TOX: variants seen among roughly 807,000 people sequenced by gnomAD.
TOX encodes the protein thymocyte selection associated high mobility group box, also known as thymocyte selection-associated high mobility group box protein TOX.
TOX carries 11 observed loss-of-function variants against 53.7 expected under a neutral mutation model. That is an observed-to-expected ratio of 0.20 (90% CI 0.13 to 0.34). TOX has a LOEUF of 0.34. Among genes scored for constraint, TOX ranks in the 10% least tolerant of loss-of-function variants. The pLI, the probability that TOX is intolerant of heterozygous loss-of-function variation, is 1.00. For missense variants in TOX, 570 were observed against 664.6 expected (o/e 0.86, Z 1.56); for synonymous variants, 225 against 245.3 (o/e 0.92, Z 0.77).
chr8:58,897,315 G>C (rs1392709843), intron 3 of TOX, among the ~76,000 whole-genome samples: 1 of 152,054 alleles, frequency 6.6e-6, no homozygotes, highest in East Asian at 1.9e-4. Flanking sequence ...CTATCTGGAT[G>C]GCAGAATTTA....
intron 2 of TOX, among the ~76,000 whole-genome samples, chr8:58,943,341 A>T (rs898557727): frequency 6.6e-6 from 1 of 152,092 alleles, no homozygotes; most frequent in Non-Finnish European, 1.5e-5. Context: ...AGACCACAAG[A>T]AGGTATATGA....
At chr8:58,857,765 TTTTC>T (rs1349544140) in intron 3 of TOX, among the ~76,000 whole-genome samples, 3 of 152,144 alleles carry the variant, frequency 2.0e-5, no homozygotes, top group African/African-American at 7.2e-5. Flanking sequence ...TTTCCTTTGA[TTTTC>T]TTTCTTTTTT....
chr8:58,945,212 A>G (rs1225586290), intron 2 of TOX, among the ~76,000 whole-genome samples: 1 of 152,228 alleles, frequency 6.6e-6, no homozygotes, highest in Non-Finnish European at 1.5e-5. Context: ...TTTCTGAACC[A>G]GAATGTCACT....
intron 1 of TOX, among the ~76,000 whole-genome samples, chr8:59,090,220 C>A (rs1804586706): frequency 6.6e-6 from 1 of 152,094 alleles, no homozygotes; most frequent in Non-Finnish European, 1.5e-5. Context: ...TCAAGGAACA[C>A]CTATCAAAAA....
intron 1 of TOX, among the ~76,000 whole-genome samples, chr8:59,115,480 A>G (rs866201730): frequency 6.6e-6 from 1 of 152,224 alleles, no homozygotes; most frequent in African/African-American, 2.4e-5. Context: ...AAACAAGACT[A>G]TATCACTACA....
intron 1 of TOX, among the ~76,000 whole-genome samples, chr8:58,986,202 C>T (rs918086213): frequency 6.6e-6 from 1 of 152,128 alleles, no homozygotes; most frequent in Non-Finnish European, 1.5e-5. Flanking sequence ...ACTCATGGTT[C>T]CACTAATCAC....
intron 7 of TOX, among the ~76,000 whole-genome samples, chr8:58,812,288 C>G (rs1410366268): frequency 6.6e-6 from 1 of 152,112 alleles, no homozygotes; most frequent in Admixed American, 6.6e-5. Context: ...GGATACCAGT[C>G]CCCTTCACCT....
intron 1 of TOX, among the ~76,000 whole-genome samples, chr8:59,061,421 T>C (rs896036375): frequency 5.9e-5 from 9 of 152,240 alleles, no homozygotes; most frequent in Admixed American, 3.9e-4. Flanking sequence ...ACAAAACAGC[T>C]TGTATCTCTA....
chr8:58,977,718 G>T (rs1343604882), intron 1 of TOX, among the ~76,000 whole-genome samples: 1 of 152,166 alleles, frequency 6.6e-6, no homozygotes, highest in South Asian at 2.1e-4. Flanking sequence ...AAATAGGGAG[G>T]TCTGAGGAGA....
rs563395904 is a variant in TOX, at chr8:59,108,441, G to A, written c.102+10445C>T. Among the ~76,000 whole-genome samples, 12 of 152,166 alleles carry A rather than the reference G, an allele frequency of 7.9e-5. No individual in the cohort carries two copies. The East Asian group carries it at 1.7e-3, about 22-fold the overall frequency. On this transcript the variant is annotated intron_variant, in intron 1 of 8. Coordinates refer to ENST00000361421, the MANE Select transcript of TOX (RefSeq NM_014729.3). ...CTACAAACAATGGCACTGGAGCCAC[G>A]GACTTCATAGTTCACAACTGCGCCT...
At chr8:58,896,467 G>A (rs1811648635) in intron 3 of TOX, among the ~76,000 whole-genome samples, 1 of 152,082 alleles carries the variant, frequency 6.6e-6, no homozygotes, top group Non-Finnish European at 1.5e-5. Context: ...CATGAGGTCA[G>A]GAGACTGAGA....
chr8:58,897,067 T>C (rs566138123), intron 3 of TOX, among the ~76,000 whole-genome samples: 87 of 152,318 alleles, frequency 5.7e-4, no homozygotes, highest in African/African-American at 2.1e-3. Flanking sequence ...ATATTCCTAA[T>C]TTTATTTGCC....
intron 3 of TOX, among the ~76,000 whole-genome samples, chr8:58,882,197 C>A (rs765446415): frequency 2.0e-5 from 3 of 152,144 alleles, no homozygotes; most frequent in Non-Finnish European, 4.4e-5. Flanking sequence ...AATGGCATTG[C>A]CTGACACTAT....
intron 1 of TOX, among the ~76,000 whole-genome samples, chr8:59,048,245 C>A (rs1361250308): frequency 6.6e-6 from 1 of 152,132 alleles, no homozygotes; most frequent in Admixed American, 6.5e-5. Context: ...AGGTAACTGA[C>A]AAATTCTGTT....
At chr8:58,998,520 TATATATATATATATATATAA>T (rs1400201835) in intron 1 of TOX, among the ~76,000 whole-genome samples, 5 of 119,620 alleles carry the variant, frequency 4.2e-5, no homozygotes, top group African/African-American at 1.4e-4. Flanking sequence ...TATATATATA[TATATATATATATATATATAA>T]ATTTATATAT....
chr8:58,887,571 C>A (rs1036832291), intron 3 of TOX, among the ~76,000 whole-genome samples: 3 of 151,808 alleles, frequency 2.0e-5, no homozygotes, highest in Non-Finnish European at 4.4e-5. Flanking sequence ...CTTATGAGTC[C>A]ATTAATTCTC....
At chr8:58,893,428 A>G (rs1267466422) in intron 3 of TOX, among the ~76,000 whole-genome samples, 1 of 152,212 alleles carries the variant, frequency 6.6e-6, no homozygotes, top group Non-Finnish European at 1.5e-5. Context: ...GTCCCTGAGT[A>G]ACATGCACCA....
At chr8:59,018,007 A>G (rs779682122) in intron 1 of TOX, among the ~76,000 whole-genome samples, 6 of 152,130 alleles carry the variant, frequency 3.9e-5, no homozygotes, top group Non-Finnish European at 1.5e-5. Context: ...GATAGATACA[A>G]AGCACTGTTT....
chr8:58,851,245 T>G lies in TOX; in HGVS notation c.693+279A>C, dbSNP rs3888823. On this transcript the variant is annotated intron_variant, in intron 4 of 8. Coordinates refer to ENST00000361421, the MANE Select transcript of TOX (RefSeq NM_014729.3). This position sits in a 1 kb window ranked among gnomAD's most constrained non-coding sequence, Gnocchi z 4.4. The stretch of plus-strand genomic sequence containing the variant: ...ATTGTACCCCAGTATACTGCCTTCT[T>G]AAAATGGTACATTGAATATACAGGC... Among the ~76,000 whole-genome samples the G allele has an allele frequency of 0.18, 26,901 of 150,482 alleles. 2,715 individuals carry two copies. Among genetic ancestry groups the G allele is most frequent in the Non-Finnish European group, 0.23 (15,412 of 67,696 alleles).
Sources: gnomAD v4.1 joint callset for allele counts (sites outside exome capture counted in the v4.1 genomes callset) on GRCh38, gnomAD v4.1.1 for gene constraint, Gnocchi (gnomAD v3.1) non-coding constraint, MANE v1.5 for transcripts, NCBI Gene and HGNC (gene_info 2026-07-23, HGNC 2026-07-21) for gene names.